Variants in DNAJC13 observed in about 807,000 individuals in gnomAD.
DNAJC13 encodes DnaJ heat shock protein family (Hsp40) member C13.
Under a neutral mutation model 290.5 loss-of-function variants are expected in DNAJC13, and 75 were observed. The observed-to-expected ratio is 0.26, with a 90% confidence interval of 0.21 to 0.31. DNAJC13 has a LOEUF of 0.31. Ranked by LOEUF, DNAJC13 falls within the 10% of genes least tolerant of loss-of-function variation. The pLI is 1.00. For missense variants in DNAJC13, 2,260 were observed against 2,674.5 expected (o/e 0.85, Z 3.42); for synonymous variants, 862 against 892.0 (o/e 0.97, Z 0.60).
chr3:132,526,018 A>G (rs759172660), intron 52 of DNAJC13, 123 bp from the exon 53 acceptor site: 7 of 1,369,410 alleles, frequency 5.1e-6, no homozygotes, highest in Non-Finnish European at 5.8e-6. Flanking sequence ...AATTTGGTTC[A>G]ATTCATTGTT....
chr3:132,488,532 A>G, intron 30 of DNAJC13, 80 bp downstream of exon 30: 2 of 1,315,506 alleles, frequency 1.5e-6, no homozygotes, highest in Non-Finnish European at 2.1e-6. Context: ...ATTTGTGAGT[A>G]CCTTATTGCT....
At chr3:132,456,856 C>T (rs923429332) in intron 12 of DNAJC13, 24 bp downstream of exon 12, 2 of 1,607,838 alleles carry the variant, frequency 1.2e-6, no homozygotes, top group Non-Finnish European at 1.7e-6. Context: ...TGAAACTTAA[C>T]TTCTCTTAGA....
rs746799153 is a variant in DNAJC13, at chr3:132,526,127, T to G, written c.6241-14T>G. ...TTGCCAGTCTACAAGTAACCTTCTC[T>G]TTTGGGCACTTAGCTGTGTGTTCGA... On this transcript the variant is annotated splice_polypyrimidine_tract_variant and intron_variant, in intron 52 of 55. Coordinates refer to ENST00000260818, the MANE Select transcript of DNAJC13 (RefSeq NM_015268.4). 1 of 1,613,744 alleles carries G rather than the reference T, an allele frequency of 6.2e-7. No homozygotes were observed. The highest frequency in any genetic ancestry group is 8.5e-7 in the Non-Finnish European group (1 of 1,179,844).
intron 20 of DNAJC13, among the ~76,000 whole-genome samples, chr3:132,469,320 A>G (rs1576478547): frequency 6.6e-6 from 1 of 152,362 alleles, no homozygotes; most frequent in African/African-American, 2.4e-5. Context: ...GATTCTTGAA[A>G]CAATCTGCAT....
intron 42 of DNAJC13, among the ~76,000 whole-genome samples, chr3:132,505,869 G>A (rs1309137710): frequency 6.6e-6 from 1 of 151,894 alleles, no homozygotes. Context: ...GAGTCTTGAT[G>A]ATTTTGAAGA....
At chr3:132,521,861 G>A (rs962433686) in intron 48 of DNAJC13, among the ~76,000 whole-genome samples, 5 of 152,142 alleles carry the variant, frequency 3.3e-5, no homozygotes, top group Non-Finnish European at 7.4e-5. Context: ...CCCTTCCATG[G>A]GAACCCCAGG....
In DNAJC13 at chr3:132,456,327, G is replaced by C; in HGVS notation, c.1025G>C (p.Arg342Pro). Residue 342 changes from arginine (R) to proline (P), a missense_variant, in exon 10 of 56, where the codon CGA becomes CCA. Coordinates refer to ENST00000260818, the MANE Select transcript of DNAJC13 (RefSeq NM_015268.4). ...ATGACACCAACCCATAAAGGTCAGC[G>C]ATGGGGGTTACTCAGCATGCCTGTT... is the stretch of plus-strand genomic sequence containing the variant. ...VKMTPTHKGQ[R>P]WGLLSMPVDE... The C allele has an allele frequency of 6.2e-7, 1 of 1,614,010 alleles. No individual in the cohort carries two copies. Among genetic ancestry groups the C allele is most frequent in the Non-Finnish European group, 8.5e-7 (1 of 1,179,912 alleles).
Position 132,496,702 on chromosome 3 carries a change from C to G in DNAJC13, c.4156+39C>G, listed in dbSNP as rs762019609. The G allele has an allele frequency of 8.3e-6, 13 of 1,564,586 alleles. No homozygotes were observed. The African/African-American group carries it at 1.6e-4, about 20-fold the overall frequency. On this transcript the variant is annotated intron_variant, in intron 36 of 55. Transcript: ENST00000260818. ...TCTCAGATTTTAATTTATCCTCCAG[C>G]TAACCTTATCACAGCTAACCCTATA...
At chr3:132,479,146 T>G in intron 24 of DNAJC13, 81 bp from the exon 25 acceptor site, 1 of 771,862 alleles carries the variant, frequency 1.3e-6, no homozygotes, top group South Asian at 1.9e-5. Flanking sequence ...TATGGGCTGT[T>G]GGTTTATTTT....
intron 16 of DNAJC13, 112 bp from the exon 17 acceptor site, chr3:132,463,584 C>A: frequency 7.9e-7 from 1 of 1,266,640 alleles, no homozygotes; most frequent in Non-Finnish European, 1.1e-6. Flanking sequence ...TTAAAAACTT[C>A]TATTACATAC....
chr3:132,457,470 C>A, intron 13 of DNAJC13, 102 bp downstream of exon 13: 1 of 910,808 alleles, frequency 1.1e-6, no homozygotes, highest in East Asian at 2.6e-5. Context: ...GTTCTTGTTT[C>A]TGTTTCATAA....
At chr3:132,441,181 G>T (rs1264872957) in intron 2 of DNAJC13, among the ~76,000 whole-genome samples, 1 of 152,218 alleles carries the variant, frequency 6.6e-6, no homozygotes, top group African/African-American at 2.4e-5. Flanking sequence ...CGAATGGAAG[G>T]TCTGACTGGC....
intron 5 of DNAJC13, 90 bp downstream of exon 5, chr3:132,448,029 G>A: frequency 1.1e-6 from 1 of 929,972 alleles, no homozygotes; most frequent in Non-Finnish European, 1.6e-6. Flanking sequence ...TGTTCCATTT[G>A]TAGCAAAGCT....
At chr3:132,525,026 A>G (rs1393612779) in intron 51 of DNAJC13, among the ~76,000 whole-genome samples, 1 of 152,186 alleles carries the variant, frequency 6.6e-6, no homozygotes, top group Non-Finnish European at 1.5e-5. Flanking sequence ...TAGTAATATC[A>G]TTTGGGACAT....
chr3:132,472,681 T>TACATTCAAACACATG, intron 20 of DNAJC13: 2 of 784,012 alleles, frequency 2.6e-6, no homozygotes, highest in Non-Finnish European at 3.1e-6. Context: ...TCACATGTGT[T>TACATTCAAACACATG]TGAATGTAGA....
At chr3:132,462,592 A>G (rs960834970) in intron 16 of DNAJC13, 69 bp downstream of exon 16, 9 of 1,110,524 alleles carry the variant, frequency 8.1e-6, no homozygotes, top group South Asian at 1.5e-5. Flanking sequence ...GAAGTTGACA[A>G]TATTGCCTTT....
intron 29 of DNAJC13, 34 bp downstream of exon 29, chr3:132,484,706 A>C: frequency 6.5e-7 from 1 of 1,547,328 alleles, no homozygotes; most frequent in Non-Finnish European, 8.9e-7. Context: ...AGCAATTTTA[A>C]GAATCATTTT....
At chr3:132,475,329 A>G (rs534265813) in intron 22 of DNAJC13, among the ~76,000 whole-genome samples, 1 of 152,248 alleles carries the variant, frequency 6.6e-6, no homozygotes, top group African/African-American at 2.4e-5. Flanking sequence ...GATTCTGTGC[A>G]TTCCAAATCT....
Position 132,457,431 on chromosome 3 carries a change from A to T in DNAJC13, c.1449+63A>T, listed in dbSNP as rs769409075. On this transcript the variant is annotated intron_variant, in intron 13 of 55. Coordinates refer to ENST00000260818, the MANE Select transcript of DNAJC13 (RefSeq NM_015268.4). The stretch of plus-strand genomic sequence containing the variant: ...AAGTTGACTGGTGGTTTTGATTTCC[A>T]CAGTCCCAGATTTTCATTGTACCAA... 1.2e-4 allele frequency: 150 copies of T among 1,276,820 alleles called. 2 individuals carry two copies. Among genetic ancestry groups the T allele is most frequent in the South Asian group, 1.0e-3 (81 of 79,570 alleles). 79.1% of individuals were successfully genotyped at this position (1,276,820 alleles called of 1,614,324 possible).
Sources: allele counts gnomAD v4.1 joint callset (sites outside exome capture counted in the v4.1 genomes callset), GRCh38; gene constraint gnomAD v4.1.1; transcripts MANE v1.5; gene names NCBI Gene and HGNC (gene_info 2026-07-23, HGNC 2026-07-21).